CENPP: variants seen among roughly 807,000 people sequenced by gnomAD.
CENPP encodes the protein centromere protein P.
A neutral mutation model predicts 35.6 loss-of-function variants in CENPP; 24 were observed. The observed-to-expected ratio is 0.67, with a 90% CI of 0.49 to 0.95. CENPP has a LOEUF of 0.95. Ranked by LOEUF, CENPP falls within the 40% of genes least tolerant of loss-of-function variation. The probability of loss-of-function intolerance (pLI) is 0.00; values close to 1 mark genes in which losing one functional copy is unlikely to be tolerated. For missense variants in CENPP, 332 were observed against 345.3 expected (o/e 0.96, Z 0.31); for synonymous variants, 120 against 125.5 (o/e 0.96, Z 0.29).
chr9:92,442,780 C>T (rs897112506), intron 5 of CENPP, among the ~76,000 whole-genome samples: 10 of 150,660 alleles, frequency 6.6e-5, no homozygotes, highest in African/African-American at 2.2e-4. Flanking sequence ...ACCCGGGAGG[C>T]GGAGCTTGCA....
chr9:92,554,092 A>G (rs1251059636), intron 5 of CENPP, among the ~76,000 whole-genome samples: 1 of 151,564 alleles, frequency 6.6e-6, no homozygotes, highest in Non-Finnish European at 1.5e-5. Flanking sequence ...TTGTGTGCCG[A>G]TTTTGTTGAG....
chr9:92,573,605 G>A (rs1024216210), intron 5 of CENPP, among the ~76,000 whole-genome samples: 5 of 152,330 alleles, frequency 3.3e-5, no homozygotes, highest in African/African-American at 1.2e-4. Flanking sequence ...CGTGCTGGGG[G>A]AACCACTGCT....
intron 5 of CENPP, among the ~76,000 whole-genome samples, chr9:92,511,393 G>A (rs551177634): frequency 2.0e-5 from 3 of 151,454 alleles, no homozygotes; most frequent in South Asian, 2.1e-4. Context: ...CCAAAGTGCC[G>A]GGATTACAGG....
At chr9:92,455,713 G>A (rs570965065) in intron 5 of CENPP, among the ~76,000 whole-genome samples, 4 of 152,116 alleles carry the variant, frequency 2.6e-5, no homozygotes, top group Non-Finnish European at 5.9e-5. Context: ...ATCTTTCATA[G>A]CATAGGAATT....
At chr9:92,528,468 A>G (rs1848547678) in intron 5 of CENPP, among the ~76,000 whole-genome samples, 1 of 152,218 alleles carries the variant, frequency 6.6e-6, no homozygotes, top group Non-Finnish European at 1.5e-5. Context: ...TCCACTGAGT[A>G]CTGGATAGCA....
intron 4 of CENPP, 33 bp downstream of exon 4, chr9:92,345,820 A>G (rs1274895289): frequency 7.7e-7 from 1 of 1,293,288 alleles, no homozygotes. Context: ...TTTTTTAGAG[A>G]AAAAAAGTAA....
chr9:92,560,868 CTTTTTTTTTT>C (rs58467942), intron 5 of CENPP, among the ~76,000 whole-genome samples: 9 of 126,152 alleles, frequency 7.1e-5, no homozygotes, highest in African/African-American at 2.7e-4. Flanking sequence ...TTTTTCTTGT[CTTTTTTTTTT>C]TTTTTTTTTT....
At chr9:92,445,881 CA>C (rs1304488203) in intron 5 of CENPP, among the ~76,000 whole-genome samples, 2,222 of 124,310 alleles carry the variant, frequency 0.018, 53 homozygotes, top group African/African-American at 0.056. Flanking sequence ...GATAATGTCT[CA>C]AAAAAAAAAA....
At chr9:92,494,273 G>T in intron 5 of CENPP, 2 of 840,036 alleles carry the variant, frequency 2.4e-6, no homozygotes, top group Non-Finnish European at 1.8e-6. Flanking sequence ...TACTAATTTT[G>T]TTTACAGCTT....
intron 5 of CENPP, among the ~76,000 whole-genome samples, chr9:92,427,960 G>C (rs1844010239): frequency 6.6e-6 from 1 of 152,160 alleles, no homozygotes; most frequent in Non-Finnish European, 1.5e-5. Flanking sequence ...GCCAGTGTCA[G>C]CAGGGTCAAG....
rs147693307 is a variant in CENPP at position 92,543,226 on chromosome 9, C to T, written c.565-68088C>T. Among the ~76,000 whole-genome samples, 751 of 152,228 alleles carry T rather than the reference C, an allele frequency of 4.9e-3. 3 individuals carry two copies. Among genetic ancestry groups the T allele is most frequent in the Non-Finnish European group, 7.5e-3 (509 of 68,008 alleles). ...GTGGCTCACACCTGTAATCCAAGCA[C>T]TTTGGGAGGCCAAGGCAGGTGGATA... On this transcript the variant is annotated intron_variant, in intron 5 of 7. Transcript: ENST00000375587.
intron 5 of CENPP, among the ~76,000 whole-genome samples, chr9:92,392,902 ATCTG>A (rs558134944): frequency 1.1e-3 from 164 of 152,326 alleles, no homozygotes; most frequent in Non-Finnish European, 1.9e-3. Context: ...AGATCACAGG[ATCTG>A]TCTAAGTGGA....
chr9:92,616,127 C>T lies in CENPP; in HGVS notation c.*2978C>T. On this transcript the variant is annotated 3_prime_UTR_variant, in exon 8 of 8. Transcript: ENST00000375587. ...CATTTCCCTCCCTCCCGTTCTCTCT[C>T]CCTTTCTTCTTTCAACTAGTATGTT... 9.5e-7 allele frequency: 1 copy of T among 1,050,238 alleles called. No individual in the cohort carries two copies. The highest frequency in any genetic ancestry group is 2.5e-5 in the Admixed American group (1 of 40,798). The allele number at this position is 1,050,238 out of a possible 1,614,324, so 65.1% of individuals were successfully genotyped here.
rs144720294 is a variant in CENPP, at chr9:92,616,005, C to A, written c.*2856C>A. The A allele has an allele frequency of 1.9e-6, 3 of 1,614,010 alleles. No individual in the cohort carries two copies. Among genetic ancestry groups the A allele is most frequent in the Non-Finnish European group, 1.7e-6 (2 of 1,180,024 alleles). On this transcript the variant is annotated 3_prime_UTR_variant, in exon 8 of 8. Transcript: ENST00000375587. ...TTGAGGTCAAGGTCCAGCACAGACA[C>A]GGAAAAGGCAAACCTGGACCTCGAT...
intron 4 of CENPP, among the ~76,000 whole-genome samples, chr9:92,349,477 C>T (rs907883937): frequency 5.3e-5 from 8 of 150,390 alleles, no homozygotes; most frequent in South Asian, 2.1e-4. Context: ...GATATCAGCT[C>T]GCTGCAACCT....
chr9:92,568,065 AT>A (rs1266981959), intron 5 of CENPP, among the ~76,000 whole-genome samples: 1 of 151,858 alleles, frequency 6.6e-6, no homozygotes, highest in Admixed American at 6.6e-5. Context: ...AGCAGAATGT[AT>A]TTTTCTTCTT....
intron 5 of CENPP, among the ~76,000 whole-genome samples, chr9:92,393,455 A>G (rs1427837937): frequency 6.6e-6 from 1 of 152,134 alleles, no homozygotes; most frequent in Non-Finnish European, 1.5e-5. Flanking sequence ...ATTTTGTTTT[A>G]CTGGTGATTG....
rs183187000 is a variant in CENPP at position 92,337,705 on chromosome 9, A to G, written c.378+76A>G. 6 of 925,570 alleles carry G rather than the reference A, an allele frequency of 6.5e-6. No individual in the cohort carries two copies. In the African/African-American group the frequency reaches 6.5e-5, roughly 10 times the overall value. The allele number at this position is 925,570 out of a possible 1,614,324, so 57.3% of individuals were successfully genotyped here. On this transcript the variant is annotated intron_variant, in intron 3 of 7. Coordinates refer to ENST00000375587, the MANE Select transcript of CENPP (RefSeq NM_001012267.3). The stretch of plus-strand genomic sequence containing the variant: ...AACAATTCCCACACCCCAGCCTTCA[A>G]CAGTGATGGAGCTGAAGAGGAGTTC...
intron 5 of CENPP, chr9:92,610,690 T>C (rs1422893385): frequency 6.6e-6 from 1 of 152,350 alleles, no homozygotes; most frequent in Non-Finnish European, 1.5e-5. Flanking sequence ...TTCACCAAGG[T>C]AGGCCCTTTC....
Sources: gnomAD v4.1 joint callset for allele counts (sites outside exome capture counted in the v4.1 genomes callset) on GRCh38, gnomAD v4.1.1 for gene constraint, MANE v1.5 for transcripts, NCBI Gene and HGNC (gene_info 2026-07-23, HGNC 2026-07-21) for gene names.